The following CETP variants were observed in gnomAD, a reference collection of about 807,000 sequenced individuals.
CETP encodes cholesteryl ester transfer protein.
A neutral mutation model predicts 66.5 loss-of-function variants in CETP; 56 were observed. The observed-to-expected ratio is 0.84, with a 90% CI of 0.68 to 1.05. The LOEUF is 1.05. Ranked by LOEUF, CETP falls within the 50% of genes least tolerant of loss-of-function variation. CETP has a pLI of 0.00. For synonymous variants in CETP, 251 were observed against 245.7 expected (o/e 1.02, Z -0.20); for missense variants, 612 against 609.6 (o/e 1.00, Z -0.04).
intron 2 of CETP, among the ~76,000 whole-genome samples, chr16:56,968,387 A>G (rs12720864): frequency 0.013 from 1,986 of 152,168 alleles, 26 homozygotes; most frequent in South Asian, 0.032. Flanking sequence ...AGATTTCACC[A>G]TGTTGGCCAG....
intron 9 of CETP, among the ~76,000 whole-genome samples, chr16:56,974,487 A>C (rs2056135551): frequency 6.6e-6 from 1 of 152,210 alleles, no homozygotes; most frequent in African/African-American, 2.4e-5. Flanking sequence ...GGAGTCAACT[A>C]TGTGTTGCCA....
rs1193133934 is a variant in CETP, at chr16:56,967,937, C to T, written c.234-1449C>T. 2.0e-5 allele frequency among the ~76,000 whole-genome samples: 3 copies of T among 149,370 alleles called. No individual in the cohort carries two copies. The East Asian group carries it at 5.9e-4, about 29-fold the overall frequency. On this transcript the variant is annotated intron_variant, in intron 2 of 15. Coordinates refer to ENST00000200676, the MANE Select transcript of CETP (RefSeq NM_000078.3). ...TTACACAACTGCACTCTGGCCTGGG[C>T]AACAGAGAGCCACCCTATCTCAAAC...
intron 2 of CETP, among the ~76,000 whole-genome samples, chr16:56,968,693 G>C (rs867278939): frequency 6.9e-6 from 1 of 144,394 alleles, no homozygotes; most frequent in African/African-American, 2.6e-5. Flanking sequence ...TAATGGCCTT[G>C]CTTTTATTTC....
At chr16:56,983,000 G>C (rs995492892) in intron 14 of CETP, among the ~76,000 whole-genome samples, 1 of 152,202 alleles carries the variant, frequency 6.6e-6, no homozygotes, top group Non-Finnish European at 1.5e-5. Flanking sequence ...AACACTTTGA[G>C]AAGCTGTGTG....
In CETP at chr16:56,978,256, G is replaced by A; in HGVS notation, c.1146+1G>A. ...TTCTGTAGCTTACACATTTGAAGAG[G>A]TGAGGCGGGTGCAGGGAGAGGTGGT... On this transcript the variant is annotated splice_donor_variant, in intron 11 of 15. Coordinates refer to ENST00000200676, the MANE Select transcript of CETP (RefSeq NM_000078.3). LOFTEE classifies it high-confidence loss of function. 3.1e-6 allele frequency: 5 copies of A among 1,614,084 alleles called. No individual in the cohort carries two copies. In the South Asian group the frequency reaches 4.4e-5, roughly 14 times the overall value.
intron 15 of CETP, 43 bp from the exon 16 acceptor site, chr16:56,983,549 G>A: frequency 1.9e-6 from 3 of 1,609,878 alleles, no homozygotes; most frequent in Non-Finnish European, 2.6e-6. Flanking sequence ...TGGCCTGGGA[G>A]TCAGCCCAGC....
chr16:56,978,817 T>A (rs1302694853), intron 11 of CETP, among the ~76,000 whole-genome samples: 8 of 151,804 alleles, frequency 5.3e-5, no homozygotes, highest in Admixed American at 5.3e-4. Context: ...TTATTTATTA[T>A]TTATTTATTT....
At chr16:56,968,851 G>A (rs867623789) in intron 2 of CETP, among the ~76,000 whole-genome samples, 1 of 151,582 alleles carries the variant, frequency 6.6e-6, no homozygotes. Context: ...TAGGCACTAA[G>A]ATCCTGATTA....
chr16:56,971,123 C>T (rs759224437), intron 6 of CETP, 21 bp downstream of exon 6: 1 of 1,611,868 alleles, frequency 6.2e-7, no homozygotes, highest in Non-Finnish European at 8.5e-7. Context: ...CTGGCTGACT[C>T]CCTGTGGTCC....
chr16:56,963,396 G>T (rs2056039999), intron 2 of CETP, among the ~76,000 whole-genome samples: 1 of 152,128 alleles, frequency 6.6e-6, no homozygotes. Flanking sequence ...GAAGATGGAG[G>T]TCTTATTTCG....
At position 56,963,066 on chromosome 16, in the gene CETP, G is replaced by C. The variant is rs1271404748; in HGVS notation, c.175G>C (p.Asp59His). 26 of 1,614,174 alleles carry C rather than the reference G, an allele frequency of 1.6e-5. No individual in the cohort carries two copies. The highest frequency in any genetic ancestry group is 2.0e-5 in the Non-Finnish European group (24 of 1,180,014). ...QTAFQRASYP[D>H]ITGEKAMMLL... is the part of the protein sequence containing the mutation. ...CGCCTTCCAGCGAGCCAGCTACCCA[G>C]ATATCACGGGCGAGAAGGCCATGAT... The change falls in exon 2 of 16, where the codon GAT (aspartate) becomes CAT (histidine). Residue 59 changes from aspartate (D) to histidine (H), a missense_variant. Asp to His is a moderately conservative substitution (Grantham distance 81). Transcript: ENST00000200676.
rs1156999140 is a variant in CETP at position 56,962,238 on chromosome 16, G to A, written c.118+141G>A. 1.3e-5 allele frequency: 10 copies of A among 787,626 alleles called. No individual in the cohort carries two copies. In the South Asian group the frequency reaches 1.4e-4, roughly 11 times the overall value. The allele number at this position is 787,626 out of a possible 1,614,324, so 48.8% of individuals were successfully genotyped here. ...GAGAGGAGTGCCCTGGGAGGGAGATGGGCTGAGTGGAGCTGTCATCACCCC... is the reference window on the plus strand; with the variant it reads ...GAGAGGAGTGCCCTGGGAGGGAGATAGGCTGAGTGGAGCTGTCATCACCCC... On this transcript the variant is annotated intron_variant, in intron 1 of 15. Coordinates refer to ENST00000200676, the MANE Select transcript of CETP (RefSeq NM_000078.3).
At chr16:56,977,111 A>G (rs2056155216) in intron 10 of CETP, among the ~76,000 whole-genome samples, 1 of 151,930 alleles carries the variant, frequency 6.6e-6, no homozygotes, top group Non-Finnish European at 1.5e-5. Context: ...GGGTTTCACC[A>G]TGTTGGCCAG....
chr16:56,971,252 G>A lies in CETP; in HGVS notation c.598-69G>A, dbSNP rs1227880047. On this transcript the variant is annotated intron_variant, in intron 6 of 15. Transcript: ENST00000200676. The stretch of plus-strand genomic sequence containing the variant: ...CGGTCCCCAGCACTGCCACCACCAC[G>A]CAGCTGGAAGGAGGCACTGCCTCTG... 9.6e-6 allele frequency: 15 copies of A among 1,570,352 alleles called. No homozygotes were observed. In the East Asian group the frequency reaches 1.1e-4, roughly 12 times the overall value.
intron 10 of CETP, among the ~76,000 whole-genome samples, chr16:56,976,533 A>ACCATCT (rs2056151362): frequency 6.7e-6 from 1 of 150,162 alleles, no homozygotes; most frequent in African/African-American, 2.5e-5. Context: ...GTGCAGTAGC[A>ACCATCT]CAATCTCAAC....
At chr16:56,981,419 G>C (rs1263928224) in intron 12 of CETP, among the ~76,000 whole-genome samples, 194 bp downstream of exon 12, 4 of 47,092 alleles carry the variant, frequency 8.5e-5, no homozygotes, top group Admixed American at 4.3e-4. Context: ...AGGAAGAATG[G>C]AGGGCTGCCA....
chr16:56,965,158 G>A (rs534782454), intron 2 of CETP, among the ~76,000 whole-genome samples: 3 of 152,298 alleles, frequency 2.0e-5, no homozygotes, highest in African/African-American at 7.2e-5. Flanking sequence ...TGGCAAAAGC[G>A]TTGAGAAGTT....
intron 11 of CETP, among the ~76,000 whole-genome samples, chr16:56,980,494 T>C (rs1227734040): frequency 2.0e-5 from 3 of 152,278 alleles, no homozygotes; most frequent in African/African-American, 7.2e-5. Flanking sequence ...TAAATATCTC[T>C]TTAATTTTTG....
intron 2 of CETP, among the ~76,000 whole-genome samples, chr16:56,963,985 C>A (rs2056045339): frequency 7.0e-6 from 1 of 143,018 alleles, no homozygotes; most frequent in African/African-American, 2.6e-5. Context: ...CTATCTTAAT[C>A]TTTATTTTAT....
Sources: gnomAD v4.1 joint callset for allele counts (sites outside exome capture counted in the v4.1 genomes callset) on GRCh38, gnomAD v4.1.1 for gene constraint, MANE v1.5 for transcripts, NCBI Gene and HGNC (gene_info 2026-07-23, HGNC 2026-07-21) for gene names.